The following ADAMTS2 variants were observed in gnomAD, a reference collection of about 807,000 sequenced individuals.
ADAMTS2 encodes ADAM metallopeptidase with thrombospondin type 1 motif 2, also known as A disintegrin and metalloproteinase with thrombospondin motifs 2.
Under a neutral mutation model 123.0 loss-of-function variants are expected in ADAMTS2, and 50 were observed. The ratio of observed to expected loss-of-function variants is 0.41; its 90% CI spans 0.32 to 0.51. The LOEUF is 0.51. ADAMTS2 is among the 20% of genes least tolerant of loss of function. The probability of loss-of-function intolerance (pLI) is 0.35; values close to 1 mark genes in which losing one functional copy is unlikely to be tolerated. For missense variants in ADAMTS2, 1,494 were observed against 1,705.2 expected, an observed-to-expected ratio of 0.88 and a Z score of 2.18; for synonymous variants, 678 against 695.4, an observed-to-expected ratio of 0.98 and a Z score of 0.39.
chr5:179,324,500 C>T (rs569735168), intron 2 of ADAMTS2, among the ~76,000 whole-genome samples: 9 of 151,148 alleles, frequency 6.0e-5, no homozygotes, highest in Admixed American at 3.3e-4. Context: ...AAACAATTCT[C>T]GTGCCTCAGC....
intron 3 of ADAMTS2, among the ~76,000 whole-genome samples, chr5:179,253,573 G>C (rs1309717509): frequency 2.0e-5 from 3 of 151,772 alleles, no homozygotes; most frequent in Non-Finnish European, 4.4e-5. Context: ...TGGAACCCGA[G>C]AGGCAGAGGC....
chr5:179,311,174 C>G (rs953021627), intron 2 of ADAMTS2, among the ~76,000 whole-genome samples: 1 of 152,154 alleles, frequency 6.6e-6, no homozygotes, highest in South Asian at 2.1e-4. Flanking sequence ...CGAGCCTCCC[C>G]CGCCCTCTGA....
intron 5 of ADAMTS2, among the ~76,000 whole-genome samples, chr5:179,160,069 A>G (rs1581160720): frequency 6.6e-6 from 1 of 152,146 alleles, no homozygotes; most frequent in African/African-American, 2.4e-5. Flanking sequence ...TAAAATAGAG[A>G]TGTGCATTCC....
chr5:179,217,818 AGG>A, intron 3 of ADAMTS2, among the ~76,000 whole-genome samples: 1 of 68,106 alleles, frequency 1.5e-5, no homozygotes, highest in African/African-American at 7.4e-5. Flanking sequence ...CACACTCACT[AGG>A]GGATGGCCTG....
rs796082626 is a variant in ADAMTS2, at chr5:179,260,517, G to A, written c.688+12394C>T. On this transcript the variant is annotated intron_variant, in intron 3 of 21. Coordinates refer to ENST00000251582, the MANE Select transcript of ADAMTS2 (RefSeq NM_014244.5). This position sits in a 1 kb window ranked among gnomAD's most constrained non-coding sequence, Gnocchi z 4.2. ...GCCCTCTGTCCAACAAACAGATGGG[G>A]TCACAGGCTACCGGGTTTTGCCAGC... Among the ~76,000 whole-genome samples, 19 of 152,254 alleles carry A rather than the reference G, an allele frequency of 1.2e-4. No homozygotes were observed. Among genetic ancestry groups the A allele is most frequent in the African/African-American group, 4.6e-4 (19 of 41,530 alleles).
rs2431423 is a variant in ADAMTS2, at chr5:179,303,061, T to C, written c.535-29997A>G. Among the ~76,000 whole-genome samples, 7 of 150,520 alleles carry C rather than the reference T, an allele frequency of 4.7e-5. No individual in the cohort carries two copies. Among genetic ancestry groups the C allele is most frequent in the South Asian group, 4.2e-4 (2 of 4,732 alleles). ...AGACTGCACAGAGCTTCCTCTGCTGTGGGGAGGAGATTGGATTTTCTCCTC... is the reference window on the plus strand; with the variant it reads ...AGACTGCACAGAGCTTCCTCTGCTGCGGGGAGGAGATTGGATTTTCTCCTC... On this transcript the variant is annotated intron_variant, in intron 2 of 21. Transcript: ENST00000251582. This position sits in a 1 kb window ranked among gnomAD's most constrained non-coding sequence, Gnocchi z 4.7.
At chr5:179,208,528 G>A (rs1197480568) in intron 3 of ADAMTS2, among the ~76,000 whole-genome samples, 1 of 152,166 alleles carries the variant, frequency 6.6e-6, no homozygotes, top group Non-Finnish European at 1.5e-5. Context: ...ACTTGGGGCT[G>A]CCATCCTGGG....
intron 10 of ADAMTS2, among the ~76,000 whole-genome samples, chr5:179,151,440 C>A (rs1168861439): frequency 2.6e-5 from 4 of 152,260 alleles, no homozygotes; most frequent in Admixed American, 1.3e-4. Flanking sequence ...CTAGGCCTGG[C>A]TGGGATGTGC....
intron 3 of ADAMTS2, among the ~76,000 whole-genome samples, chr5:179,239,653 T>A (rs1045117357): frequency 6.6e-6 from 1 of 151,662 alleles, no homozygotes; most frequent in Non-Finnish European, 1.5e-5. Context: ...GAGACGCAAA[T>A]CTGGGAGCCA....
chr5:179,304,244 T>C (rs945031529), intron 2 of ADAMTS2, among the ~76,000 whole-genome samples: 1 of 152,174 alleles, frequency 6.6e-6, no homozygotes, highest in Non-Finnish European at 1.5e-5. Context: ...CTCCATAGCA[T>C]TTAAACAAGA....
rs1343139120 is a variant in ADAMTS2 at position 179,272,172 on chromosome 5, G to T, written c.688+739C>A. On this transcript the variant is annotated intron_variant, in intron 3 of 21. Coordinates refer to ENST00000251582, the MANE Select transcript of ADAMTS2 (RefSeq NM_014244.5). This position sits in a 1 kb window ranked among gnomAD's most constrained non-coding sequence, Gnocchi z 5.8. ...CCACAATCCAGGACCAGAGACTGGG[G>T]GATGCTGGGAGGTGTGGGCTGGCAC... Among the ~76,000 whole-genome samples, 1 of 152,220 alleles carries T rather than the reference G, an allele frequency of 6.6e-6. No individual in the cohort carries two copies. The highest frequency in any genetic ancestry group is 1.5e-5 in the Non-Finnish European group (1 of 68,036).
chr5:179,238,366 C>A (rs895481699), intron 3 of ADAMTS2, among the ~76,000 whole-genome samples: 1 of 152,144 alleles, frequency 6.6e-6, no homozygotes, highest in African/African-American at 2.4e-5. Flanking sequence ...ACCGCAGCTC[C>A]CTGCTCTGTG....
intron 2 of ADAMTS2, among the ~76,000 whole-genome samples, chr5:179,320,172 T>C (rs776059086): frequency 6.6e-6 from 1 of 152,214 alleles, no homozygotes; most frequent in Non-Finnish European, 1.5e-5. Context: ...TCCCGCTCCA[T>C]GTCTGCCTCG....
In ADAMTS2 at chr5:179,132,111, C is replaced by T. The variant is rs1428617741; in HGVS notation, c.2290+119G>A. The T allele has an allele frequency of 1.3e-5, 13 of 994,440 alleles. No individual in the cohort carries two copies. Among genetic ancestry groups the T allele is most frequent in the Non-Finnish European group, 2.0e-5 (13 of 645,310 alleles). 61.6% of individuals were successfully genotyped at this position (994,440 alleles called of 1,614,324 possible). A position where few individuals can be genotyped will look rare whatever the true frequency, so the allele number is the denominator to read the frequency against. ...AGGGACAGGTTGGGGAGGGGCTGCCCTGGCTCAGGTCATGGCTGCACAACC... is the reference window on the plus strand; with the variant it reads ...AGGGACAGGTTGGGGAGGGGCTGCCTTGGCTCAGGTCATGGCTGCACAACC... On this transcript the variant is annotated intron_variant, in intron 15 of 21. Coordinates refer to ENST00000251582, the MANE Select transcript of ADAMTS2 (RefSeq NM_014244.5). The surrounding 1 kb of genome is among the most constrained non-coding windows in gnomAD (Gnocchi z 6.1).
intron 2 of ADAMTS2, among the ~76,000 whole-genome samples, chr5:179,310,480 T>G (rs1756799838): frequency 6.6e-6 from 1 of 152,128 alleles, no homozygotes; most frequent in Admixed American, 6.5e-5. Context: ...ATCTCAGGAT[T>G]TCCAGGAACA....
At chr5:179,243,545 C>T (rs1474716549) in intron 3 of ADAMTS2, among the ~76,000 whole-genome samples, 1 of 152,186 alleles carries the variant, frequency 6.6e-6, no homozygotes, top group East Asian at 1.9e-4. Flanking sequence ...CAAATAAATA[C>T]ACAAACAACT....
In ADAMTS2 at chr5:179,127,983, G is replaced by A. The variant is rs766947359; in HGVS notation, c.2593C>T (p.Pro865Ser). Reference sequence around the variant, plus strand: ...CCTCCGCCACAGGGCTTGGAGCACGGAGACCACTTCTTCAGGGCCCACTCG... The same window carrying A: ...CCTCCGCCACAGGGCTTGGAGCACGAAGACCACTTCTTCAGGGCCCACTCG... ...VYEWALKKWSPCSKPCGGGSQ... is the reference protein window; with the variant it reads ...VYEWALKKWSSCSKPCGGGSQ... Residue 865 changes from proline to serine, a missense_variant, in exon 17 of 22, where the codon CCG becomes TCG. Transcript: ENST00000251582. 1.7e-5 allele frequency: 27 copies of A among 1,613,978 alleles called. No homozygotes were observed. Among genetic ancestry groups the A allele is most frequent in the Non-Finnish European group, 2.3e-5 (27 of 1,180,034 alleles).
chr5:179,299,268 G>T (rs567705133), intron 2 of ADAMTS2, among the ~76,000 whole-genome samples: 2 of 146,896 alleles, frequency 1.4e-5, no homozygotes, highest in Admixed American at 6.9e-5. Context: ...GGTGGCTCAC[G>T]CCTGTAATCC....
At chr5:179,271,307 G>A (rs898747440) in intron 3 of ADAMTS2, among the ~76,000 whole-genome samples, 9 of 152,136 alleles carry the variant, frequency 5.9e-5, no homozygotes, top group Non-Finnish European at 1.5e-5. Context: ...CCAAGGGCAC[G>A]TGGCCAGCTC....
Sources: gnomAD v4.1 joint callset for allele counts (sites outside exome capture counted in the v4.1 genomes callset) on GRCh38, gnomAD v4.1.1 for gene constraint, Gnocchi (gnomAD v3.1) non-coding constraint, MANE v1.5 for transcripts, NCBI Gene and HGNC (gene_info 2026-07-23, HGNC 2026-07-21) for gene names.